The following INPP5B variants were observed in gnomAD, a reference collection of about 807,000 sequenced individuals.
INPP5B encodes the protein inositol polyphosphate-5-phosphatase B.
A neutral mutation model predicts 118.5 loss-of-function variants in INPP5B; 90 were observed. The observed-to-expected ratio is 0.76, with a 90% CI of 0.64 to 0.90. The LOEUF (loss-of-function observed/expected upper bound fraction) is 0.90. Ranked by LOEUF, INPP5B falls within the 40% of genes least tolerant of loss-of-function variation. The pLI, the probability that INPP5B is intolerant of heterozygous loss-of-function variation, is 0.00. For synonymous variants in INPP5B, 385 were observed against 418.9 expected (o/e 0.92, Z 0.99); for missense variants, 984 against 1,125.6 (o/e 0.87, Z 1.80).
At chr1:37,885,401 G>A (rs542759867) in intron 13 of INPP5B, 67 of 390,636 alleles carry the variant, frequency 1.7e-4, no homozygotes, top group Middle Eastern at 7.2e-4. Flanking sequence ...GCGACAGAGC[G>A]CGACTCCATC....
chr1:37,877,582 T>C (rs1326529566), intron 16 of INPP5B, among the ~76,000 whole-genome samples: 1 of 152,206 alleles, frequency 6.6e-6, no homozygotes, highest in Non-Finnish European at 1.5e-5. Context: ...AAATACATTT[T>C]TTATTTGAAC....
At chr1:37,929,701 T>C (rs1286687244) in intron 7 of INPP5B, 1 of 152,076 alleles carries the variant, frequency 6.6e-6, no homozygotes, top group African/African-American at 2.4e-5. Context: ...CAATTAATAG[T>C]GTCACCCCAC....
chr1:37,927,539 CTTTT>C (rs755352733), intron 7 of INPP5B, among the ~76,000 whole-genome samples: 5 of 142,454 alleles, frequency 3.5e-5, no homozygotes, highest in Non-Finnish European at 6.2e-5. Context: ...CTTTTTCTTT[CTTTT>C]TTTTTTTTTT....
chr1:37,878,376 G>A, intron 15 of INPP5B, 53 bp from the exon 16 acceptor site: 1 of 1,603,286 alleles, frequency 6.2e-7, no homozygotes. Flanking sequence ...AGTGCCCGCT[G>A]CCTGGCGAGT....
At chr1:37,884,637 A>G (rs187684084) in intron 13 of INPP5B, among the ~76,000 whole-genome samples, 1 of 152,048 alleles carries the variant, frequency 6.6e-6, no homozygotes, top group East Asian at 1.9e-4. Context: ...ATTCTCACAC[A>G]TGTTGATAAA....
intron 16 of INPP5B, among the ~76,000 whole-genome samples, chr1:37,876,552 TAAAAAA>T (rs34854182): frequency 5.5e-5 from 3 of 54,592 alleles, no homozygotes; most frequent in African/African-American, 9.0e-5. Context: ...GCTGTCTCTT[TAAAAAA>T]AAAAAAAAAA....
Position 37,938,058 on chromosome 1 carries a change from G to A in INPP5B, c.391+2630C>T, listed in dbSNP as rs1022360867. 4.0e-5 allele frequency among the ~76,000 whole-genome samples: 6 copies of A among 150,866 alleles called. No homozygotes were observed. The East Asian group carries it at 1.2e-3, about 29-fold the overall frequency. ...GAGGCCGAGGTGGGTGGATCACGAG[G>A]TCAGGAGTTCAAGACCAGCCTGATC... On this transcript the variant is annotated intron_variant, in intron 6 of 23. Coordinates refer to ENST00000373024, the MANE Select transcript of INPP5B (RefSeq NM_005540.3).
intron 3 of INPP5B, 41 bp downstream of exon 3, chr1:37,945,715 C>A: frequency 6.7e-7 from 1 of 1,488,356 alleles, no homozygotes; most frequent in Non-Finnish European, 9.3e-7. Flanking sequence ...TGATGAACAA[C>A]CCCATGGCCC....
intron 7 of INPP5B, among the ~76,000 whole-genome samples, chr1:37,918,981 T>C (rs1360755532): frequency 6.6e-6 from 1 of 152,178 alleles, no homozygotes; most frequent in East Asian, 1.9e-4. Flanking sequence ...ATAAGGAAAT[T>C]GAGGCCTAGA....
chr1:37,870,166 G>A (rs1642325571), intron 19 of INPP5B, among the ~76,000 whole-genome samples: 1 of 149,248 alleles, frequency 6.7e-6, no homozygotes, highest in Non-Finnish European at 1.5e-5. Context: ...TTTTTTTAGA[G>A]ACTGTCTTGC....
In INPP5B at chr1:37,878,362, C is replaced by A. The variant is rs768327515; in HGVS notation, c.1542-39G>T. On this transcript the variant is annotated intron_variant, in intron 15 of 23. Coordinates refer to ENST00000373024, the MANE Select transcript of INPP5B (RefSeq NM_005540.3). Reference sequence around the variant, plus strand: ...TCCACACTGGAAGTACTCACAGAAACAGCAGTGCCCGCTGCCTGGCGAGTG... The same window carrying A: ...TCCACACTGGAAGTACTCACAGAAAAAGCAGTGCCCGCTGCCTGGCGAGTG... The A allele has an allele frequency of 3.7e-6, 6 of 1,609,832 alleles. No homozygotes were observed. The Admixed American group carries it at 1.0e-4, about 27-fold the overall frequency.
chr1:37,912,784 C>G (rs914306806), intron 7 of INPP5B, among the ~76,000 whole-genome samples: 1 of 152,104 alleles, frequency 6.6e-6, no homozygotes, highest in Non-Finnish European at 1.5e-5. Flanking sequence ...CTCTTATTCT[C>G]ATTCCCATTC....
intron 17 of INPP5B, 133 bp from the exon 18 acceptor site, chr1:37,874,288 T>A: frequency 3.4e-6 from 2 of 585,666 alleles, no homozygotes; most frequent in Non-Finnish European, 5.3e-6. Context: ...TTTAAGTATC[T>A]ACCTGGGAGG....
At chr1:37,869,459 TTTTA>T (rs200339798) in intron 19 of INPP5B, among the ~76,000 whole-genome samples, 189 of 151,402 alleles carry the variant, frequency 1.2e-3, no homozygotes, top group Non-Finnish European at 1.9e-3. Flanking sequence ...GGTCCACTGT[TTTTA>T]TTTATTTATT....
At chr1:37,908,518 G>C (rs1037314410) in intron 7 of INPP5B, among the ~76,000 whole-genome samples, 1 of 151,602 alleles carries the variant, frequency 6.6e-6, no homozygotes, top group African/African-American at 2.4e-5. Flanking sequence ...CGGGAGGATA[G>C]CTTGAGCCCA....
chr1:37,932,003 T>C lies in INPP5B; in HGVS notation c.442A>G (p.Arg148Gly), dbSNP rs371030679. 6.2e-7 allele frequency: 1 copy of C among 1,609,950 alleles called. No homozygotes were observed. The highest frequency in any genetic ancestry group is 8.5e-7 in the Non-Finnish European group (1 of 1,177,540). Residue 148 changes from arginine (R) to glycine (G), a missense_variant, in exon 7 of 24, where the codon AGG becomes GGG. By Grantham distance (125) the Arg-to-Gly change is moderately radical. Around this residue, in one of 2 missense-constraint regions of INPP5B, gnomAD observed 350 missense variants for 334.6 expected, o/e 1.05. Transcript: ENST00000373024. ...DPEFLWLSRY[R>G]CAELELEMPT... ...ATCTCCAGCTCCAGCTCTGCGCACCTATACCGAGACAGCCACAGGAATTCA... is the reference window on the plus strand; with the variant it reads ...ATCTCCAGCTCCAGCTCTGCGCACCCATACCGAGACAGCCACAGGAATTCA...
At chr1:37,865,295 G>C (rs1402586283) in intron 22 of INPP5B, among the ~76,000 whole-genome samples, 1 of 152,166 alleles carries the variant, frequency 6.6e-6, no homozygotes, top group Non-Finnish European at 1.5e-5. Flanking sequence ...GAACCACCAA[G>C]CTAGATCATA....
rs909035519 is a variant in INPP5B at position 37,878,283 on chromosome 1, A to G, written c.1582T>C (p.Trp528Arg). 3.1e-6 allele frequency: 5 copies of G among 1,614,034 alleles called. No homozygotes were observed. Among genetic ancestry groups the G allele is most frequent in the Non-Finnish European group, 4.2e-6 (5 of 1,180,020 alleles). Residue 528 changes from tryptophan to arginine, a missense_variant, in exon 16 of 24, where the codon TGG becomes CGG. By Grantham distance (101) the Trp-to-Arg change is moderately radical. Transcript: ENST00000373024. Reference sequence around the variant, plus strand: ...AGCTGAGTGATGTTCTTCCCTTTCCAGAGAATCCGATCACACCAGGCAGGA... The same window carrying G: ...AGCTGAGTGATGTTCTTCCCTTTCCGGAGAATCCGATCACACCAGGCAGGA... The part of the protein sequence containing the change: ...RAPAWCDRIL[W>R]KGKNITQLSY...
rs1374502874 is a variant in INPP5B, at chr1:37,873,279, T to C, written c.1952-114A>G. On this transcript the variant is annotated intron_variant, in intron 18 of 23. Coordinates refer to ENST00000373024, the MANE Select transcript of INPP5B (RefSeq NM_005540.3). ...AGGGTTAGGAAAAGGAAAGAAAAGG[T>C]ATCAGCCAACCAACAAGCATCCAAA... 14 of 730,958 alleles carry C rather than the reference T, an allele frequency of 1.9e-5. No individual in the cohort carries two copies. In the Admixed American group the frequency reaches 3.2e-4, roughly 17 times the overall value. 45.3% of individuals were successfully genotyped at this position (730,958 alleles called of 1,614,324 possible).
Sources: allele counts gnomAD v4.1 joint callset (sites outside exome capture counted in the v4.1 genomes callset), GRCh38; gene constraint gnomAD v4.1.1; regional missense constraint gnomAD v4.1.1; transcripts MANE v1.5; gene names NCBI Gene and HGNC (gene_info 2026-07-23, HGNC 2026-07-21).